Variants in KIT observed in about 807,000 individuals in gnomAD.
KIT encodes mast/stem cell growth factor receptor Kit.
A neutral mutation model predicts 105.7 loss-of-function variants in KIT; 16 were observed. That is an observed-to-expected ratio of 0.15 (90% CI 0.10 to 0.23). The LOEUF (loss-of-function observed/expected upper bound fraction) is 0.23, where lower values mean the gene tolerates loss of function less well. KIT is among the 10% of genes least tolerant of loss of function. The pLI is 1.00. For missense variants in KIT, 858 were observed against 1,213.8 expected, an observed-to-expected ratio of 0.71 and a Z score of 4.36; for synonymous variants, 438 against 441.1, an observed-to-expected ratio of 0.99 and a Z score of 0.09.
In KIT at chr4:54,727,839, T is replaced by A. The variant is rs1186816361; in HGVS notation, c.1791T>A (p.Ala597=). 1.2e-6 allele frequency: 2 copies of A among 1,613,000 alleles called. No individual in the cohort carries two copies. The highest frequency in any genetic ancestry group is 1.7e-6 in the Non-Finnish European group (2 of 1,179,942). ...NRLSFGKTLG[A]GAFGKVVEAT... ...TTCCTACAGGGAAAACCCTGGGTGC[T>A]GGAGCTTTCGGGAAGGTTGTTGAGG... Residue 597 remains alanine, a synonymous_variant, in exon 12 of 21, where the codon GCT becomes GCA. Coordinates refer to ENST00000288135, the MANE Select transcript of KIT (RefSeq NM_000222.3).
chr4:54,732,132 C>G, intron 16 of KIT, 134 bp downstream of exon 16: 1 of 1,019,990 alleles, frequency 9.8e-7, no homozygotes, highest in Non-Finnish European at 1.4e-6. Context: ...GTGTGGTAAC[C>G]AAAAGCAGAG....
At position 54,708,669 on chromosome 4, in the gene KIT, G is replaced by A. The variant is rs966957908; in HGVS notation, c.1116-755G>A. ...GAAGGTTGTGAGCCAGCAGCCAGCA[G>A]CTCAGTGTGAGAGAGTGGGCTGCCC... On this transcript the variant is annotated intron_variant, in intron 6 of 20. Coordinates refer to ENST00000288135, the MANE Select transcript of KIT (RefSeq NM_000222.3). Among the ~76,000 whole-genome samples the A allele has an allele frequency of 8.5e-5, 13 of 152,210 alleles. No individual in the cohort carries two copies. In the East Asian group the frequency reaches 2.3e-3, roughly 27 times the overall value.
chr4:54,663,820 T>A (rs766965339), intron 1 of KIT, among the ~76,000 whole-genome samples: 2 of 152,128 alleles, frequency 1.3e-5, no homozygotes, highest in Admixed American at 6.5e-5. Flanking sequence ...CAGCGGTTAG[T>A]GTTCAGTAAG....
intron 1 of KIT, among the ~76,000 whole-genome samples, chr4:54,688,223 C>G (rs887958559): frequency 2.6e-5 from 4 of 152,158 alleles, no homozygotes; most frequent in Admixed American, 1.3e-4. Context: ...TGGGCGATTA[C>G]TGGGATCCTT....
intron 6 of KIT, 100 bp downstream of exon 6, chr4:54,707,387 C>G (rs1206454341): frequency 4.6e-6 from 4 of 866,588 alleles, no homozygotes; most frequent in Non-Finnish European, 7.6e-6. Context: ...CGAGAAGATA[C>G]CTGGTAAAGA....
intron 4 of KIT, among the ~76,000 whole-genome samples, chr4:54,702,856 C>A (rs1250675717): frequency 6.6e-6 from 1 of 152,188 alleles, no homozygotes; most frequent in East Asian, 1.9e-4. Context: ...AGGAATCACC[C>A]TTGATCTCAT....
Position 54,738,489 on chromosome 4 carries a change from G to T in KIT, c.2863G>T (p.Val955Leu), listed in dbSNP as rs1060502568. ...NRQKPVVDHS[V>L]RINSVGSTAS... ...ACAGAAGCCCGTGGTAGACCATTCT[G>T]TGCGGATCAATTCTGTCGGCAGCAC... The change falls in exon 21 of 21, where the codon GTG (valine) becomes TTG (leucine). Residue 955 changes from valine to leucine, a missense_variant. Val to Leu is a conservative substitution (Grantham distance 32, BLOSUM62 1). Coordinates refer to ENST00000288135, the MANE Select transcript of KIT (RefSeq NM_000222.3). 7 of 1,613,990 alleles carry T rather than the reference G, an allele frequency of 4.3e-6. No individual in the cohort carries two copies. Among genetic ancestry groups the T allele is most frequent in the Non-Finnish European group, 5.9e-6 (7 of 1,180,000 alleles).
intron 1 of KIT, among the ~76,000 whole-genome samples, chr4:54,662,196 G>A (rs1426320104): frequency 6.6e-6 from 1 of 152,114 alleles, no homozygotes. Flanking sequence ...GCCCTGGTGA[G>A]TGCAGGAATC....
chr4:54,699,850 C>T, intron 4 of KIT, 84 bp downstream of exon 4: 1 of 1,465,786 alleles, frequency 6.8e-7, no homozygotes, highest in Admixed American at 1.7e-5. Flanking sequence ...TGTCCTGAAA[C>T]TGCCTCGACT....
chr4:54,669,713 AAAAAAAAG>A (rs1431563249), intron 1 of KIT, among the ~76,000 whole-genome samples: 1 of 152,060 alleles, frequency 6.6e-6, no homozygotes, highest in East Asian at 1.9e-4. Flanking sequence ...AGGAAAAAAA[AAAAAAAAG>A]AAAGATGTAA....
chr4:54,733,057 T>C lies in KIT; in HGVS notation c.2362-13T>C, dbSNP rs1722707709. On this transcript the variant is annotated splice_polypyrimidine_tract_variant and intron_variant, in intron 16 of 20. Coordinates refer to ENST00000288135, the MANE Select transcript of KIT (RefSeq NM_000222.3). ...GAATTTAAATGGTTTTCTTTTCTCC[T>C]CCAACCTAATAGTGTATTCACAGAG... 6.2e-7 allele frequency: 1 copy of C among 1,609,610 alleles called. No homozygotes were observed. The highest frequency in any genetic ancestry group is 8.5e-7 in the Non-Finnish European group (1 of 1,176,356).
chr4:54,663,041 G>C (rs995690147), intron 1 of KIT, among the ~76,000 whole-genome samples: 1 of 147,402 alleles, frequency 6.8e-6, no homozygotes, highest in Non-Finnish European at 1.5e-5. Flanking sequence ...CATAACATTT[G>C]TGTCTGGTAC....
Position 54,658,040 on chromosome 4 carries a change from A to G in KIT, c.26A>G (p.Asp9Gly), listed in dbSNP as rs2109520961. Residue 9 changes from aspartate to glycine, a missense_variant, in exon 1 of 21, where the codon GAT becomes GGT. Physicochemically the swap from Asp to Gly is moderately conservative, Grantham distance 94 (BLOSUM62 -1). Around this residue, in one of 7 missense-constraint regions of KIT, gnomAD observed 46 missense variants for 38.8 expected, o/e 1.19. Coordinates refer to ENST00000288135, the MANE Select transcript of KIT (RefSeq NM_000222.3). Reference sequence around the variant, plus strand: ...ATGAGAGGCGCTCGCGGCGCCTGGGATTTTCTCTGCGTTCTGCTCCTACTG... The same window carrying G: ...ATGAGAGGCGCTCGCGGCGCCTGGGGTTTTCTCTGCGTTCTGCTCCTACTG... MRGARGAW[D>G]FLCVLLLLLR... 6.2e-7 allele frequency: 1 copy of G among 1,613,500 alleles called. No individual in the cohort carries two copies. Among genetic ancestry groups the G allele is most frequent in the Non-Finnish European group, 8.5e-7 (1 of 1,179,798 alleles).
rs776710002 is a variant in KIT, at chr4:54,730,352, C to T, written c.2141+867C>T. Among the ~76,000 whole-genome samples the T allele has an allele frequency of 2.6e-5, 4 of 152,094 alleles. No individual in the cohort carries two copies. In the East Asian group the frequency reaches 7.7e-4, roughly 29 times the overall value. ...GCATCTTGCAATGGCAAGACATTGCCTCCTGAACTCTTAACACCAGGTCCT... is the reference window on the plus strand; with the variant it reads ...GCATCTTGCAATGGCAAGACATTGCTTCCTGAACTCTTAACACCAGGTCCT... On this transcript the variant is annotated intron_variant, in intron 14 of 20. Coordinates refer to ENST00000288135, the MANE Select transcript of KIT (RefSeq NM_000222.3).
At chr4:54,700,030 A>G (rs1365487872) in intron 4 of KIT, among the ~76,000 whole-genome samples, 1 of 152,190 alleles carries the variant, frequency 6.6e-6, no homozygotes, top group African/African-American at 2.4e-5. Context: ...TTATTACTTC[A>G]TGCTGTTTCT....
chr4:54,666,614 G>C (rs949575591), intron 1 of KIT, among the ~76,000 whole-genome samples: 2 of 152,058 alleles, frequency 1.3e-5, no homozygotes, highest in Admixed American at 6.5e-5. Flanking sequence ...TCATTAGAAG[G>C]GTTGGCAGAG....
At chr4:54,674,154 A>G (rs1718308544) in intron 1 of KIT, among the ~76,000 whole-genome samples, 1 of 151,960 alleles carries the variant, frequency 6.6e-6, no homozygotes, top group Non-Finnish European at 1.5e-5. Flanking sequence ...CCCTACCCAC[A>G]CTGCTTACCT....
At position 54,736,637 on chromosome 4, in the gene KIT, T is replaced by G. The variant is rs958241430; in HGVS notation, c.2596+28T>G. The G allele has an allele frequency of 2.5e-6, 4 of 1,600,200 alleles. No homozygotes were observed. The Admixed American group carries it at 5.0e-5, about 20-fold the overall frequency. On this transcript the variant is annotated intron_variant, in intron 18 of 20. Transcript: ENST00000288135. ...AAAATGATCCTTGCCAAAGACAACTTCATTAGACTCAGAGCATCTTCTTGA... is the reference window on the plus strand; with the variant it reads ...AAAATGATCCTTGCCAAAGACAACTGCATTAGACTCAGAGCATCTTCTTGA...
At chr4:54,719,621 A>T (rs764645712) in intron 7 of KIT, among the ~76,000 whole-genome samples, 1 of 152,090 alleles carries the variant, frequency 6.6e-6, no homozygotes, top group Non-Finnish European at 1.5e-5. Flanking sequence ...TCTTAGGCTT[A>T]TCTAAACCTC....
Sources: allele counts gnomAD v4.1 joint callset (sites outside exome capture counted in the v4.1 genomes callset), GRCh38; gene constraint gnomAD v4.1.1; regional missense constraint gnomAD v4.1.1; transcripts MANE v1.5; gene names NCBI Gene and HGNC (gene_info 2026-07-23, HGNC 2026-07-21).